Variants in GALNTL6 observed in about 807,000 individuals in gnomAD.
The protein encoded by GALNTL6 is polypeptide N-acetylgalactosaminyltransferase like 6, also known as polypeptide N-acetylgalactosaminyltransferase-like 6.
Under a neutral mutation model 73.7 loss-of-function variants are expected in GALNTL6, and 46 were observed. The observed-to-expected ratio is 0.62, with a 90% confidence interval of 0.49 to 0.80. The LOEUF is 0.80. Among genes scored for constraint, GALNTL6 ranks in the 30% least tolerant of loss-of-function variants. The pLI is 0.00. For synonymous variants in GALNTL6, 259 were observed against 263.7 expected (o/e 0.98, Z 0.17); for missense variants, 604 against 755.0 (o/e 0.80, Z 2.34).
chr4:173,028,296 C>T (rs972507957), intron 12 of GALNTL6, among the ~76,000 whole-genome samples: 4 of 152,132 alleles, frequency 2.6e-5, no homozygotes, highest in Admixed American at 6.6e-5. Context: ...GCAATGTACT[C>T]GCCTGAGGAT....
At chr4:172,054,737 A>G (rs1384620936) in intron 2 of GALNTL6, among the ~76,000 whole-genome samples, 1 of 152,192 alleles carries the variant, frequency 6.6e-6, no homozygotes, top group Non-Finnish European at 1.5e-5. Context: ...TTAAAGTACA[A>G]AAGTAACCGT....
intron 7 of GALNTL6, among the ~76,000 whole-genome samples, chr4:172,847,990 G>A (rs1002150870): frequency 6.6e-6 from 1 of 152,148 alleles, no homozygotes; most frequent in Non-Finnish European, 1.5e-5. Flanking sequence ...ATAGGCAATT[G>A]TATTATGTAC....
At chr4:172,985,013 C>T (rs1216669239) in intron 10 of GALNTL6, among the ~76,000 whole-genome samples, 1 of 152,048 alleles carries the variant, frequency 6.6e-6, no homozygotes, top group African/African-American at 2.4e-5. Flanking sequence ...ATACTGATGG[C>T]CTTGAATAAA....
chr4:172,586,289 C>T (rs550855395), intron 5 of GALNTL6, among the ~76,000 whole-genome samples: 1 of 152,152 alleles, frequency 6.6e-6, no homozygotes, highest in African/African-American at 2.4e-5. Context: ...TTATATGTCA[C>T]AGGATATTTT....
intron 5 of GALNTL6, among the ~76,000 whole-genome samples, chr4:172,764,679 A>G (rs529673340): frequency 6.6e-6 from 1 of 152,284 alleles, no homozygotes; most frequent in African/African-American, 2.4e-5. Flanking sequence ...TGTGCACCTG[A>G]AAGTAAAAAA....
chr4:172,407,170 C>T (rs980021548), intron 5 of GALNTL6, among the ~76,000 whole-genome samples: 5 of 152,036 alleles, frequency 3.3e-5, no homozygotes, highest in Non-Finnish European at 7.4e-5. Context: ...TTGCTCCATA[C>T]TCATGCTTCA....
At chr4:172,779,019 A>T (rs1739231259) in intron 5 of GALNTL6, among the ~76,000 whole-genome samples, 1 of 151,778 alleles carries the variant, frequency 6.6e-6, no homozygotes, top group Admixed American at 6.6e-5. Flanking sequence ...ACACACACAC[A>T]CACACTCACA....
At chr4:171,824,352 G>A (rs1734770853) in intron 2 of GALNTL6, among the ~76,000 whole-genome samples, 1 of 151,926 alleles carries the variant, frequency 6.6e-6, no homozygotes, top group African/African-American at 2.4e-5. Context: ...CCTGGTGTTA[G>A]TTCCAGTTCC....
chr4:171,900,856 G>C (rs1737069879), intron 2 of GALNTL6, among the ~76,000 whole-genome samples: 1 of 151,290 alleles, frequency 6.6e-6, no homozygotes. Context: ...ATAAATTATA[G>C]CATCAAAAAC....
chr4:172,865,320 C>T (rs566297161), intron 7 of GALNTL6, among the ~76,000 whole-genome samples: 12 of 152,298 alleles, frequency 7.9e-5, no homozygotes, highest in African/African-American at 1.7e-4. Context: ...TCAAGATAAA[C>T]GCTGTTTGTT....
At chr4:172,980,318 C>T (rs1310321963) in intron 10 of GALNTL6, among the ~76,000 whole-genome samples, 4 of 152,194 alleles carry the variant, frequency 2.6e-5, no homozygotes, top group Non-Finnish European at 5.9e-5. Flanking sequence ...CAGTGGCATA[C>T]CAGTACAGTG....
intron 2 of GALNTL6, among the ~76,000 whole-genome samples, chr4:172,130,752 G>A (rs1733466176): frequency 1.3e-5 from 2 of 151,992 alleles, no homozygotes; most frequent in Admixed American, 6.6e-5. Context: ...AACAGAAATT[G>A]AAAATATGAA....
chr4:171,814,491 C>A lies in GALNTL6; in HGVS notation c.-90C>A. Reference sequence around the variant, plus strand: ...TGTAGCTTCTCAGTTTCTGGTGCTTCGCAGGGGAGAGGAAAGGAATTTGAC... The same window carrying A: ...TGTAGCTTCTCAGTTTCTGGTGCTTAGCAGGGGAGAGGAAAGGAATTTGAC... On this transcript the variant is annotated 5_prime_UTR_variant, in exon 2 of 13. Transcript: ENST00000506823. 7.1e-7 allele frequency: 1 copy of A among 1,404,022 alleles called. No individual in the cohort carries two copies. Among genetic ancestry groups the A allele is most frequent in the Non-Finnish European group, 9.9e-7 (1 of 1,008,798 alleles). 87.0% of individuals were successfully genotyped at this position (1,404,022 alleles called of 1,614,324 possible). A position where few individuals can be genotyped will look rare whatever the true frequency, so the allele number is the denominator to read the frequency against.
At chr4:173,013,778 T>C (rs1752659808) in intron 11 of GALNTL6, among the ~76,000 whole-genome samples, 7 of 152,134 alleles carry the variant, frequency 4.6e-5, no homozygotes, top group Admixed American at 4.6e-4. Context: ...TGGTGGAAAA[T>C]GCATCATGTT....
chr4:172,018,998 AG>A (rs1741306765), intron 2 of GALNTL6, among the ~76,000 whole-genome samples: 1 of 152,062 alleles, frequency 6.6e-6, no homozygotes, highest in Non-Finnish European at 1.5e-5. Flanking sequence ...ATCCTTCTCC[AG>A]TGATCTGGAT....
intron 8 of GALNTL6, among the ~76,000 whole-genome samples, chr4:172,920,047 C>T (rs1194802099): frequency 2.0e-5 from 3 of 152,140 alleles, no homozygotes; most frequent in Non-Finnish European, 4.4e-5. Flanking sequence ...TCATTAAATG[C>T]AAGATTGACC....
At chr4:172,801,680 A>G (rs1740653377) in intron 5 of GALNTL6, among the ~76,000 whole-genome samples, 1 of 152,222 alleles carries the variant, frequency 6.6e-6, no homozygotes, top group South Asian at 2.1e-4. Context: ...GCTGTGTTCT[A>G]GATGAAGACT....
intron 2 of GALNTL6, among the ~76,000 whole-genome samples, chr4:171,905,818 T>A (rs1421304266): frequency 2.0e-5 from 3 of 151,530 alleles, no homozygotes; most frequent in African/African-American, 7.3e-5. Flanking sequence ...GCAATCAAAC[T>A]AGAACTCAGG....
At chr4:172,086,561 A>T (rs1282195080) in intron 2 of GALNTL6, among the ~76,000 whole-genome samples, 4 of 152,158 alleles carry the variant, frequency 2.6e-5, no homozygotes, top group South Asian at 2.1e-4. Flanking sequence ...AGATACCTAT[A>T]AACACATGCA....
Sources: allele counts gnomAD v4.1 joint callset (sites outside exome capture counted in the v4.1 genomes callset), GRCh38; gene constraint gnomAD v4.1.1; transcripts MANE v1.5; gene names NCBI Gene and HGNC (gene_info 2026-07-23, HGNC 2026-07-21).